The following ABCC4 variants were observed in gnomAD, a reference collection of about 807,000 sequenced individuals.
ABCC4 encodes ATP binding cassette subfamily C member 4 (PEL blood group), also known as ATP-binding cassette sub-family C member 4.
Under a neutral mutation model 168.5 loss-of-function variants are expected in ABCC4, and 102 were observed. The observed-to-expected ratio is 0.61, with a 90% CI of 0.52 to 0.71. The LOEUF (loss-of-function observed/expected upper bound fraction) is 0.71. Ranked by LOEUF, ABCC4 falls within the 30% of genes least tolerant of loss-of-function variation. The pLI is 0.00. For synonymous variants in ABCC4, 617 were observed against 590.7 expected (o/e 1.04, Z -0.65); for missense variants, 1,402 against 1,605.8 (o/e 0.87, Z 2.17).
Position 95,062,824 on chromosome 13 carries a change from A to G in ABCC4, c.3246T>C (p.Ser1082=). Residue 1082 remains serine, a synonymous_variant, in exon 26 of 31, where the codon AGT becomes AGC. Coordinates refer to ENST00000645237, the MANE Select transcript of ABCC4 (RefSeq NM_005845.5). ...GIVGRTGAGK[S]SLISALFRLS... ...ATCTAAAAAGGGCTGAGATGAGGGAACTTTTTCCAGCTCCGGTTCTTCCCA... is the reference window on the plus strand; with the variant it reads ...ATCTAAAAAGGGCTGAGATGAGGGAGCTTTTTCCAGCTCCGGTTCTTCCCA... 3 of 1,613,760 alleles carry G rather than the reference A, an allele frequency of 1.9e-6. No individual in the cohort carries two copies. Among genetic ancestry groups the G allele is most frequent in the Non-Finnish European group, 2.5e-6 (3 of 1,179,926 alleles).
intron 4 of ABCC4, among the ~76,000 whole-genome samples, chr13:95,227,796 A>C (rs2039507229): frequency 6.6e-6 from 1 of 152,040 alleles, no homozygotes; most frequent in Non-Finnish European, 1.5e-5. Context: ...TGCAACCTCC[A>C]CCTCCTGGGT....
Position 95,161,286 on chromosome 13 carries a change from T to C in ABCC4, c.2358A>G (p.Val786=). 1 of 1,606,330 alleles carries C rather than the reference T, an allele frequency of 6.2e-7. No homozygotes were observed. Among genetic ancestry groups the C allele is most frequent in the African/African-American group, 1.3e-5 (1 of 74,720 alleles). The change falls in exon 19 of 31, where the codon GTA becomes GTG. Residue 786 remains valine, a synonymous_variant. Coordinates refer to ENST00000645237, the MANE Select transcript of ABCC4 (RefSeq NM_005845.5). ...GTGAAGAGTTAACAAGGACGTAGAA[T>C]ACCAATAGAGATCTTGCTATGCCAA... The part of the protein sequence containing the change: ...VLFGIARSLL[V]FYVLVNSSQT...
chr13:95,169,743 G>A (rs1389288655), intron 14 of ABCC4, among the ~76,000 whole-genome samples: 1 of 152,134 alleles, frequency 6.6e-6, no homozygotes, highest in Non-Finnish European at 1.5e-5. Flanking sequence ...ACACATATCA[G>A]GCACTCAAAA....
intron 7 of ABCC4, 109 bp from the exon 8 acceptor site, chr13:95,206,890 C>A: frequency 6.7e-6 from 9 of 1,349,202 alleles, no homozygotes; most frequent in Non-Finnish European, 9.2e-6. Flanking sequence ...TTGTTTGAAC[C>A]CAGGAGTTTG....
chr13:95,264,142 A>G (rs1256094618), intron 1 of ABCC4, among the ~76,000 whole-genome samples: 3 of 152,218 alleles, frequency 2.0e-5, no homozygotes, highest in Non-Finnish European at 4.4e-5. Context: ...TCATAAGTCC[A>G]TAGTGCTATA....
intron 13 of ABCC4, among the ~76,000 whole-genome samples, chr13:95,173,076 T>C (rs927656185): frequency 6.6e-6 from 1 of 152,212 alleles, no homozygotes; most frequent in Non-Finnish European, 1.5e-5. Context: ...GACAACACCC[T>C]GAGTCGTGTA....
Position 95,172,630 on chromosome 13 carries a change from C to A in ABCC4, c.1728-2002G>T, listed in dbSNP as rs146650585. Among the ~76,000 whole-genome samples the A allele has an allele frequency of 4.0e-5, 6 of 150,854 alleles. No individual in the cohort carries two copies. The East Asian group carries it at 1.2e-3, about 29-fold the overall frequency. On this transcript the variant is annotated intron_variant, in intron 13 of 30. Transcript: ENST00000645237. ...GACACATACAATGTTGGAGGTGACA[C>A]AAGTGAGAAAGATATAGTCAGTTGG... is the stretch of plus-strand genomic sequence containing the variant.
At chr13:95,270,237 T>C (rs900196356) in intron 1 of ABCC4, among the ~76,000 whole-genome samples, 1 of 151,828 alleles carries the variant, frequency 6.6e-6, no homozygotes, top group African/African-American at 2.4e-5. Context: ...TAGTATTTTC[T>C]CTAATCAACA....
chr13:95,073,137 GAA>G (rs1163871138), intron 24 of ABCC4, 65 bp downstream of exon 24: 1 of 1,287,050 alleles, frequency 7.8e-7, no homozygotes, highest in African/African-American at 1.5e-5. Context: ...TTTCACATAA[GAA>G]TGGCTTTTAT....
chr13:95,036,097 C>T (rs1031577763), intron 29 of ABCC4, among the ~76,000 whole-genome samples: 5 of 152,104 alleles, frequency 3.3e-5, no homozygotes, highest in Admixed American at 6.5e-5. Flanking sequence ...TTAGATACCC[C>T]AAATGTGTAA....
At chr13:95,199,203 A>G (rs1484762879) in intron 8 of ABCC4, among the ~76,000 whole-genome samples, 1 of 152,236 alleles carries the variant, frequency 6.6e-6, no homozygotes, top group East Asian at 1.9e-4. Flanking sequence ...GTGTCTGCCA[A>G]GCTCTGGTCT....
At chr13:95,238,845 T>C (rs191025960) in intron 3 of ABCC4, among the ~76,000 whole-genome samples, 138 of 152,300 alleles carry the variant, frequency 9.1e-4, no homozygotes, top group African/African-American at 3.2e-3. Context: ...CGTGAGCCAC[T>C]GTGCCTGACC....
At chr13:95,290,945 C>T (rs1594452643) in intron 1 of ABCC4, among the ~76,000 whole-genome samples, 1 of 141,240 alleles carries the variant, frequency 7.1e-6, no homozygotes. Context: ...TTGTACTGAG[C>T]TGAGGTTGCG....
At chr13:95,225,564 G>A (rs1045463880) in intron 4 of ABCC4, among the ~76,000 whole-genome samples, 4 of 152,132 alleles carry the variant, frequency 2.6e-5, no homozygotes, top group African/African-American at 9.7e-5. Context: ...CAGCTACTCA[G>A]GAGGCTGAGG....
At chr13:95,216,538 T>C (rs529332536) in intron 4 of ABCC4, among the ~76,000 whole-genome samples, 1 of 147,310 alleles carries the variant, frequency 6.8e-6, no homozygotes, top group African/African-American at 2.5e-5. Context: ...GGCCCCTACA[T>C]ATCGATATGA....
intron 19 of ABCC4, among the ~76,000 whole-genome samples, chr13:95,132,435 C>A (rs1055765074): frequency 1.3e-5 from 2 of 152,004 alleles, no homozygotes; most frequent in Non-Finnish European, 2.9e-5. Flanking sequence ...AGGCTGGTCT[C>A]GAACTCCTGG....
chr13:95,218,678 C>T (rs188246029), intron 4 of ABCC4, among the ~76,000 whole-genome samples: 1 of 151,774 alleles, frequency 6.6e-6, no homozygotes, highest in African/African-American at 2.4e-5. Flanking sequence ...GTAGTGAGAT[C>T]CTGTCTACAA....
At chr13:95,086,270 T>C (rs952565596) in intron 20 of ABCC4, among the ~76,000 whole-genome samples, 8 of 152,218 alleles carry the variant, frequency 5.3e-5, no homozygotes, top group Admixed American at 3.3e-4. Context: ...ATTTAAGAAT[T>C]ATTGTTTACA....
chr13:95,043,890 T>G (rs2032467629), intron 28 of ABCC4, 103 bp from the exon 29 acceptor site: 1 of 726,648 alleles, frequency 1.4e-6, no homozygotes, highest in African/African-American at 1.8e-5. Flanking sequence ...AAAAAGATCA[T>G]ATCTATTTAA....
Sources: gnomAD v4.1 joint callset for allele counts (sites outside exome capture counted in the v4.1 genomes callset) on GRCh38, gnomAD v4.1.1 for gene constraint, MANE v1.5 for transcripts, NCBI Gene and HGNC (gene_info 2026-07-23, HGNC 2026-07-21) for gene names.